The following PTPRO variants were observed in gnomAD, a reference collection of about 807,000 sequenced individuals.
PTPRO encodes receptor-type tyrosine-protein phosphatase O.
Under a neutral mutation model 145.2 loss-of-function variants are expected in PTPRO, and 62 were observed. The observed-to-expected ratio is 0.43, with a 90% CI of 0.35 to 0.53. The LOEUF (loss-of-function observed/expected upper bound fraction) is 0.53. PTPRO is among the 20% of genes least tolerant of loss of function. The pLI is 0.01. For synonymous variants in PTPRO, 565 were observed against 514.7 expected, an observed-to-expected ratio of 1.10 and a Z score of -1.32; for missense variants, 1,345 against 1,482.7, an observed-to-expected ratio of 0.91 and a Z score of 1.53.
At chr12:15,516,625 GGAAGGAAGGA>G (rs1942603011) in intron 8 of PTPRO, 128 bp from the exon 9 acceptor site, 1 of 729,282 alleles carries the variant, frequency 1.4e-6, no homozygotes, top group African/African-American at 1.9e-5. Flanking sequence ...AAGGAAGGAA[GGAAGGAAGGA>G]AGGGAGGGAG....
chr12:15,459,505 A>T lies in PTPRO; in HGVS notation c.76-24469A>T, dbSNP rs746410736. ...TAGCAATACACTGAGGGTGGGGATT[A>T]TGGTTAGAGGATGTCTCAAAGTTTC... is the stretch of plus-strand genomic sequence containing the variant. On this transcript the variant is annotated intron_variant, in intron 1 of 26. Transcript: ENST00000281171. 2.0e-5 allele frequency among the ~76,000 whole-genome samples: 3 copies of T among 152,232 alleles called. No individual in the cohort carries two copies. The East Asian group carries it at 5.8e-4, about 29-fold the overall frequency.
At chr12:15,554,412 G>GTA (rs1254071902) in intron 15 of PTPRO, among the ~76,000 whole-genome samples, 31 of 148,514 alleles carry the variant, frequency 2.1e-4, no homozygotes, top group African/African-American at 7.8e-4. Flanking sequence ...TAGTGTGTGT[G>GTA]TGTATATATA....
intron 1 of PTPRO, among the ~76,000 whole-genome samples, chr12:15,480,734 GAT>G (rs1941760662): frequency 8.1e-5 from 3 of 37,032 alleles, no homozygotes; most frequent in Admixed American, 7.0e-4. Context: ...TGGATGGATG[GAT>G]GGATGGATGG....
chr12:15,575,107 G>C (rs1944151609), intron 19 of PTPRO, among the ~76,000 whole-genome samples: 1 of 152,190 alleles, frequency 6.6e-6, no homozygotes, highest in South Asian at 2.1e-4. Flanking sequence ...CCTTAGTTCA[G>C]CTAAAGATGA....
At chr12:15,473,417 G>C (rs984829123) in intron 1 of PTPRO, among the ~76,000 whole-genome samples, 2 of 152,112 alleles carry the variant, frequency 1.3e-5, no homozygotes, top group Non-Finnish European at 2.9e-5. Flanking sequence ...TCCGGTGAAC[G>C]TAATTACCGA....
At chr12:15,372,788 T>C (rs1468259075) in intron 1 of PTPRO, among the ~76,000 whole-genome samples, 1 of 152,208 alleles carries the variant, frequency 6.6e-6, no homozygotes, top group Non-Finnish European at 1.5e-5. Context: ...ATTATTATTA[T>C]GAAATGTGAT....
chr12:15,492,754 A>G (rs971624835), intron 2 of PTPRO, among the ~76,000 whole-genome samples: 2 of 152,192 alleles, frequency 1.3e-5, no homozygotes, highest in Admixed American at 6.5e-5. Context: ...ATAAAGAGCT[A>G]GTAAATTGGA....
At chr12:15,390,035 GA>G (rs1195721147) in intron 1 of PTPRO, among the ~76,000 whole-genome samples, 6 of 151,826 alleles carry the variant, frequency 4.0e-5, no homozygotes, top group South Asian at 2.1e-4. Context: ...CAGGGAAGGA[GA>G]AAAAAAAATT....
At chr12:15,520,049 G>T in intron 9 of PTPRO, 152 bp from the exon 10 acceptor site, 1 of 567,296 alleles carries the variant, frequency 1.8e-6, no homozygotes, top group South Asian at 2.2e-5. Flanking sequence ...ATTCTAGAAA[G>T]AATATTTTAT....
chr12:15,383,067 T>C (rs1398640703), intron 1 of PTPRO, among the ~76,000 whole-genome samples: 1 of 152,202 alleles, frequency 6.6e-6, no homozygotes, highest in Non-Finnish European at 1.5e-5. Flanking sequence ...ATCTTATTCC[T>C]CCTGCCTAAC....
intron 14 of PTPRO, 27 bp from the exon 15 acceptor site, chr12:15,551,524 A>G: frequency 5.0e-6 from 8 of 1,611,432 alleles, no homozygotes; most frequent in South Asian, 2.2e-5. Context: ...AGAACCTATG[A>G]TGAAAATGCA....
rs754346738 is a variant in PTPRO, at chr12:15,508,567, G to T, written c.1268-4G>T. On this transcript the variant is annotated splice_polypyrimidine_tract_variant and splice_region_variant and intron_variant, in intron 6 of 26. Coordinates refer to ENST00000281171, the MANE Select transcript of PTPRO (RefSeq NM_030667.3). ...TCCCCTGTGTTCCAATTTGAAATGT[G>T]CAGGTCCTTCAGGAGAGTGGATTGA... 3 of 1,613,782 alleles carry T rather than the reference G, an allele frequency of 1.9e-6. No individual in the cohort carries two copies. The highest frequency in any genetic ancestry group is 2.5e-6 in the Non-Finnish European group (3 of 1,179,848).
intron 1 of PTPRO, among the ~76,000 whole-genome samples, chr12:15,390,013 A>T (rs932876011): frequency 3.9e-5 from 6 of 152,240 alleles, no homozygotes; most frequent in African/African-American, 1.4e-4. Context: ...CATGAGAGGC[A>T]GCAGTTTTGA....
At chr12:15,488,042 C>T (rs1483230825) in intron 2 of PTPRO, among the ~76,000 whole-genome samples, 1 of 152,132 alleles carries the variant, frequency 6.6e-6, no homozygotes, top group Non-Finnish European at 1.5e-5. Flanking sequence ...GTCACTCCTT[C>T]GAATTCACAT....
At chr12:15,526,392 C>CA in intron 12 of PTPRO, 130 bp downstream of exon 12, 1 of 1,223,222 alleles carries the variant, frequency 8.2e-7, no homozygotes, top group Non-Finnish European at 1.2e-6. Flanking sequence ...AGAAAATAGA[C>CA]ATTTGTACTA....
chr12:15,368,448 C>T (rs1259146477), intron 1 of PTPRO, among the ~76,000 whole-genome samples: 1 of 152,154 alleles, frequency 6.6e-6, no homozygotes, highest in Non-Finnish European at 1.5e-5. Context: ...TGAATCACTG[C>T]ATAATTGATT....
chr12:15,434,369 A>G lies in PTPRO; in HGVS notation c.76-49605A>G, dbSNP rs1012965697. On this transcript the variant is annotated intron_variant, in intron 1 of 26. Transcript: ENST00000281171. ...CAAGCCACAGAGTATACTAAAACTCATTTGGGTGGCATGTTTCTCATATAA... is the reference window on the plus strand; with the variant it reads ...CAAGCCACAGAGTATACTAAAACTCGTTTGGGTGGCATGTTTCTCATATAA... Among the ~76,000 whole-genome samples the G allele has an allele frequency of 3.9e-5, 6 of 152,210 alleles. No individual in the cohort carries two copies. In the South Asian group the frequency reaches 1.2e-3, roughly 32 times the overall value.
chr12:15,523,181 T>C (rs571538244), intron 10 of PTPRO, among the ~76,000 whole-genome samples: 84 of 152,366 alleles, frequency 5.5e-4, no homozygotes, highest in African/African-American at 1.9e-3. Context: ...TGAATAATTT[T>C]GAAAGCATAG....
At chr12:15,358,777 G>A (rs1938079902) in intron 1 of PTPRO, among the ~76,000 whole-genome samples, 1 of 152,208 alleles carries the variant, frequency 6.6e-6, no homozygotes, top group Non-Finnish European at 1.5e-5. Flanking sequence ...CTGATAAAAT[G>A]TGAACAGAAG....
Sources: gnomAD v4.1 joint callset for allele counts (sites outside exome capture counted in the v4.1 genomes callset) on GRCh38, gnomAD v4.1.1 for gene constraint, MANE v1.5 for transcripts, NCBI Gene and HGNC (gene_info 2026-07-23, HGNC 2026-07-21) for gene names.